The following CTSC variants were observed in gnomAD, a reference collection of about 807,000 sequenced individuals.
CTSC encodes cathepsin C.
A neutral mutation model predicts 40.9 loss-of-function variants in CTSC; 37 were observed. The observed-to-expected ratio is 0.91, with a 90% CI of 0.70 to 1.19. CTSC has a LOEUF of 1.19. Ranked by LOEUF, CTSC falls within the 50% of genes most tolerant of loss-of-function variation. CTSC has a pLI of 0.00. For synonymous variants in CTSC, 232 were observed against 207.4 expected (o/e 1.12, Z -1.02); for missense variants, 594 against 567.3 (o/e 1.05, Z -0.48).
At chr11:88,298,975 T>A (rs1189410652) in intron 5 of CTSC, 1 of 152,210 alleles carries the variant, frequency 6.6e-6, no homozygotes, top group Non-Finnish European at 1.5e-5. Context: ...AAAAATGCTT[T>A]ATTAAAGTAG....
chr11:88,327,650 A>C (rs1322051450), intron 2 of CTSC, among the ~76,000 whole-genome samples: 1 of 152,208 alleles, frequency 6.6e-6, no homozygotes, highest in Non-Finnish European at 1.5e-5. Flanking sequence ...AGTGATGAGT[A>C]TGTCAATTTC....
intron 2 of CTSC, chr11:88,325,264 C>A: frequency 2.0e-6 from 2 of 985,386 alleles, no homozygotes; most frequent in Non-Finnish European, 2.4e-6. Context: ...TTCCAAACTA[C>A]AAACTGAAGG....
chr11:88,312,232 T>C (rs530503711), intron 3 of CTSC, among the ~76,000 whole-genome samples, 156 bp downstream of exon 3: 1 of 152,338 alleles, frequency 6.6e-6, no homozygotes, highest in East Asian at 1.9e-4. Context: ...ATAATGTTGG[T>C]CAATTTATTT....
intron 1 of CTSC, among the ~76,000 whole-genome samples, chr11:88,336,539 CAAAAAA>C (rs35388709): frequency 5.7e-4 from 50 of 87,424 alleles, no homozygotes; most frequent in African/African-American, 2.0e-3. Context: ...ACTCCATTCT[CAAAAAA>C]AAAAAAAAAA....
chr11:88,309,999 T>C (rs1311422483), intron 3 of CTSC, among the ~76,000 whole-genome samples: 2 of 152,118 alleles, frequency 1.3e-5, no homozygotes, highest in Admixed American at 1.3e-4. Flanking sequence ...GTATGCAACA[T>C]ATATACAAAA....
At chr11:88,327,264 T>C (rs1268256178) in intron 2 of CTSC, among the ~76,000 whole-genome samples, 2 of 152,226 alleles carry the variant, frequency 1.3e-5, no homozygotes, top group African/African-American at 4.8e-5. Flanking sequence ...TGTGGGTCAC[T>C]GCTGGTTCAT....
At chr11:88,325,753 G>A in intron 2 of CTSC, 2 of 985,352 alleles carry the variant, frequency 2.0e-6, no homozygotes, top group Non-Finnish European at 1.2e-6. Flanking sequence ...AGAGGTACTG[G>A]AGGTCTATAA....
rs217121 is a variant in CTSC at position 88,304,733 on chromosome 11, C to A, written c.642-4088G>T. 7.1e-3 allele frequency among the ~76,000 whole-genome samples: 1,083 copies of A among 152,284 alleles called. 11 individuals are homozygous for A. Among genetic ancestry groups the A allele is most frequent in the African/African-American group, 0.024 (999 of 41,562 alleles). On this transcript the variant is annotated intron_variant, in intron 4 of 6. Transcript: ENST00000227266. The stretch of plus-strand genomic sequence containing the variant: ...GAAGCCAGCTAAAACCCACCAAAAC[C>A]AAGATGGCGATGAGAGTGACCTCTG...
intron 2 of CTSC, chr11:88,325,987 T>G: frequency 9.9e-7 from 1 of 1,007,016 alleles, no homozygotes; most frequent in South Asian, 4.4e-5. Context: ...TGAATAAAAT[T>G]TACGCTGTGA....
intron 4 of CTSC, among the ~76,000 whole-genome samples, chr11:88,301,332 T>C (rs959869749): frequency 1.3e-5 from 2 of 152,060 alleles, no homozygotes; most frequent in Non-Finnish European, 2.9e-5. Flanking sequence ...GTAACTTAAC[T>C]CCACCCTCTT....
chr11:88,310,527 A>T (rs189795324), intron 3 of CTSC, among the ~76,000 whole-genome samples: 31 of 152,340 alleles, frequency 2.0e-4, no homozygotes, highest in African/African-American at 7.5e-4. Context: ...GGCATACTGC[A>T]AACTTTTCTT....
At chr11:88,308,255 A>G (rs994466339) in intron 4 of CTSC, among the ~76,000 whole-genome samples, 3 of 152,192 alleles carry the variant, frequency 2.0e-5, no homozygotes, top group Non-Finnish European at 2.9e-5. Flanking sequence ...CTGAAACCCA[A>G]CCACTTTTGT....
At chr11:88,303,371 C>A (rs1260735893) in intron 4 of CTSC, among the ~76,000 whole-genome samples, 1 of 152,186 alleles carries the variant, frequency 6.6e-6, no homozygotes, top group African/African-American at 2.4e-5. Flanking sequence ...CAATTGAAAG[C>A]CCTAGGTTGT....
chr11:88,334,159 C>T (rs1294330414), intron 2 of CTSC, among the ~76,000 whole-genome samples: 1 of 152,178 alleles, frequency 6.6e-6, no homozygotes, highest in East Asian at 1.9e-4. Flanking sequence ...TTAATTTATA[C>T]TCTATGTATA....
chr11:88,309,134 T>C lies in CTSC; in HGVS notation c.641+29A>G, dbSNP rs139209919. Reference sequence around the variant, plus strand: ...GGATGGTATTCAGCATTCATATTTTTATTAATGATAAAATGTGTGCTTGAT... The same window carrying C: ...GGATGGTATTCAGCATTCATATTTTCATTAATGATAAAATGTGTGCTTGAT... On this transcript the variant is annotated intron_variant, in intron 4 of 6. Coordinates refer to ENST00000227266, the MANE Select transcript of CTSC (RefSeq NM_001814.6). 1.2e-3 allele frequency: 1,931 copies of C among 1,605,822 alleles called. 5 individuals carry two copies. The highest frequency in any genetic ancestry group is 1.4e-3 in the Non-Finnish European group (1,607 of 1,173,008).
At chr11:88,312,870 TCA>T (rs1338747558) in intron 2 of CTSC, among the ~76,000 whole-genome samples, 1 of 152,178 alleles carries the variant, frequency 6.6e-6, no homozygotes, top group African/African-American at 2.4e-5. Flanking sequence ...AAAAGTGACT[TCA>T]CAGTCCTTAC....
chr11:88,326,023 C>A, intron 2 of CTSC: 6 of 1,056,012 alleles, frequency 5.7e-6, no homozygotes, highest in Non-Finnish European at 6.9e-6. Context: ...CACTTCAAAT[C>A]CTGACAATCT....
chr11:88,328,286 C>T (rs1938247982), intron 2 of CTSC: 3 of 880,470 alleles, frequency 3.4e-6, no homozygotes, highest in Non-Finnish European at 5.7e-6. Flanking sequence ...GGCAGGCACT[C>T]AGTGCTAAAC....
At chr11:88,312,031 A>G (rs1480912407) in intron 3 of CTSC, among the ~76,000 whole-genome samples, 1 of 152,228 alleles carries the variant, frequency 6.6e-6, no homozygotes, top group East Asian at 1.9e-4. Context: ...AAGTTGCCCA[A>G]TTAGTATCAC....
Sources: allele counts gnomAD v4.1 joint callset (sites outside exome capture counted in the v4.1 genomes callset), GRCh38; gene constraint gnomAD v4.1.1; transcripts MANE v1.5; gene names NCBI Gene and HGNC (gene_info 2026-07-23, HGNC 2026-07-21).